TRAPPC9: variants seen among roughly 807,000 people sequenced by gnomAD.
The protein encoded by TRAPPC9 is trafficking protein particle complex subunit 9.
A neutral mutation model predicts 124.0 loss-of-function variants in TRAPPC9; 83 were observed. The ratio of observed to expected loss-of-function variants is 0.67; its 90% confidence interval spans 0.56 to 0.80. The LOEUF is 0.80. Ranked by LOEUF, TRAPPC9 falls within the 30% of genes least tolerant of loss-of-function variation. TRAPPC9 has a pLI of 0.00. For missense variants in TRAPPC9, 1,302 were observed against 1,508.3 expected (o/e 0.86, Z 2.27); for synonymous variants, 638 against 617.5 (o/e 1.03, Z -0.49).
intron 16 of TRAPPC9, among the ~76,000 whole-genome samples, chr8:140,246,448 G>C (rs1275681295): frequency 6.6e-6 from 1 of 152,194 alleles, no homozygotes; most frequent in Non-Finnish European, 1.5e-5. Flanking sequence ...TTTTCAAATA[G>C]TTCATGATTT....
chr8:140,414,376 A>G (rs1324901474), intron 5 of TRAPPC9, among the ~76,000 whole-genome samples: 1 of 152,148 alleles, frequency 6.6e-6, no homozygotes, highest in Non-Finnish European at 1.5e-5. Context: ...TCTACAAAAA[A>G]TCTAAAACTT....
intron 21 of TRAPPC9, among the ~76,000 whole-genome samples, chr8:139,827,514 G>A (rs1267097338): frequency 6.6e-6 from 1 of 152,240 alleles, no homozygotes; most frequent in Non-Finnish European, 1.5e-5. Flanking sequence ...CACAGAGACC[G>A]CGTTGGCTTC....
At chr8:140,101,640 T>A (rs1383245324) in intron 17 of TRAPPC9, among the ~76,000 whole-genome samples, 1 of 148,656 alleles carries the variant, frequency 6.7e-6, no homozygotes, top group Non-Finnish European at 1.5e-5. Flanking sequence ...CCTCCTGGGT[T>A]CAAGCGATTC....
In TRAPPC9 at chr8:140,439,045, A is replaced by G. The variant is rs780240154; in HGVS notation, c.730+7T>C. ...CATATCAGATCATCTTCATCAGCTC[A>G]TCTTACCTCCAAGCCACAGAAAGTC... On this transcript the variant is annotated splice_region_variant and intron_variant, in intron 3 of 22. Coordinates refer to ENST00000438773, the MANE Select transcript of TRAPPC9 (RefSeq NM_001160372.4). 4 of 1,614,000 alleles carry G rather than the reference A, an allele frequency of 2.5e-6. No homozygotes were observed. The highest frequency in any genetic ancestry group is 1.1e-5 in the South Asian group (1 of 91,082).
intron 16 of TRAPPC9, chr8:140,238,548 G>A (rs190527368): frequency 2.0e-4 from 30 of 152,326 alleles, no homozygotes; most frequent in African/African-American, 6.0e-4. Context: ...TAAATATAAC[G>A]CTGGGCAGGC....
chr8:140,453,983 G>T (rs564492006), intron 1 of TRAPPC9, among the ~76,000 whole-genome samples: 1 of 152,280 alleles, frequency 6.6e-6, no homozygotes, highest in East Asian at 1.9e-4. Flanking sequence ...GTAACAAAGG[G>T]CCTTATTTTA....
intron 19 of TRAPPC9, among the ~76,000 whole-genome samples, chr8:139,980,219 C>T (rs1038924963): frequency 6.6e-6 from 1 of 152,192 alleles, no homozygotes; most frequent in Non-Finnish European, 1.5e-5. Flanking sequence ...TGTCCTCTGC[C>T]TAAACGGGCC....
At position 139,903,952 on chromosome 8, in the gene TRAPPC9, G is replaced by C. The variant is rs367657537; in HGVS notation, c.2964+6195C>G. ...AGCTACCCAGGAGGCGGAGGTTGCA[G>C]TGAACCTCTCTGCAACCATTGCACT... On this transcript the variant is annotated intron_variant, in intron 20 of 22. Transcript: ENST00000438773. Among the ~76,000 whole-genome samples, 16 of 152,320 alleles carry C rather than the reference G, an allele frequency of 1.1e-4. 1 individual carries two copies. The highest frequency in any genetic ancestry group is 7.8e-4 in the Admixed American group (12 of 15,308).
At chr8:139,935,674 T>C (rs1198269274) in intron 19 of TRAPPC9, among the ~76,000 whole-genome samples, 5 of 147,300 alleles carry the variant, frequency 3.4e-5, no homozygotes, top group Non-Finnish European at 7.5e-5. Context: ...CTTTGCTTTT[T>C]TTTTTTTTTT....
rs1216410055 is a variant in TRAPPC9, at chr8:139,960,926, TA to T, written c.2810+27799del. The stretch of plus-strand genomic sequence containing the variant: ...AATGGTTGTTCGGTGGCTTAACCCC[TA>T]ACGTTTTAGGATTTCCCTTCAGGGT... On this transcript the variant is annotated intron_variant, in intron 19 of 22. Transcript: ENST00000438773. 3.2e-5 allele frequency among the ~76,000 whole-genome samples: 4 copies of T among 125,186 alleles called. 1 individual carries two copies. The highest frequency in any genetic ancestry group is 7.6e-5 in the Non-Finnish European group (4 of 52,394). The allele number at this position is 125,186 out of a possible 152,430, so 82.1% of individuals were successfully genotyped here.
At chr8:139,958,402 A>G (rs1323619279) in intron 19 of TRAPPC9, among the ~76,000 whole-genome samples, 2 of 152,124 alleles carry the variant, frequency 1.3e-5, no homozygotes, top group African/African-American at 4.8e-5. Context: ...AGATGTCTCC[A>G]TGAGACTCAC....
At chr8:140,442,210 CAT>C (rs1273919462) in intron 2 of TRAPPC9, among the ~76,000 whole-genome samples, 2 of 152,126 alleles carry the variant, frequency 1.3e-5, no homozygotes, top group Non-Finnish European at 2.9e-5. Flanking sequence ...GTTTTGAAAA[CAT>C]AGGACTTTTA....
chr8:139,949,144 GA>G (rs562971188), intron 19 of TRAPPC9, among the ~76,000 whole-genome samples: 137 of 151,564 alleles, frequency 9.0e-4, no homozygotes, highest in Middle Eastern at 3.4e-3. Context: ...GATCACAGGA[GA>G]AAAAAAACCA....
intron 5 of TRAPPC9, among the ~76,000 whole-genome samples, chr8:140,413,093 A>G (rs2069766433): frequency 6.6e-6 from 1 of 152,172 alleles, no homozygotes; most frequent in African/African-American, 2.4e-5. Flanking sequence ...CAATAATTAA[A>G]AAGTCACCAC....
At chr8:140,086,738 T>A (rs1369870430) in intron 17 of TRAPPC9, among the ~76,000 whole-genome samples, 1 of 152,118 alleles carries the variant, frequency 6.6e-6, no homozygotes, top group Non-Finnish European at 1.5e-5. Flanking sequence ...AAGACCAGCC[T>A]GACCAAGATG....
At chr8:139,747,003 G>A (rs1418966459) in intron 21 of TRAPPC9, among the ~76,000 whole-genome samples, 2 of 152,142 alleles carry the variant, frequency 1.3e-5, no homozygotes, top group South Asian at 2.1e-4. Context: ...AAAAAGAAAC[G>A]GGGAAAAAAA....
chr8:140,188,923 A>G (rs1238389420), intron 17 of TRAPPC9, among the ~76,000 whole-genome samples: 2 of 152,320 alleles, frequency 1.3e-5, no homozygotes, highest in African/African-American at 2.4e-5. Context: ...GCCAACAGGC[A>G]GCCCTGTAAC....
chr8:140,088,761 T>C (rs1481086693), intron 17 of TRAPPC9, among the ~76,000 whole-genome samples: 1 of 152,258 alleles, frequency 6.6e-6, no homozygotes, highest in Admixed American at 6.5e-5. Flanking sequence ...AATAAACATA[T>C]CAGAAGCTCA....
chr8:140,302,748 G>A lies in TRAPPC9; in HGVS notation c.1623-2134C>T, dbSNP rs186781915. 2.0e-5 allele frequency: 3 copies of A among 152,326 alleles called. No individual in the cohort carries two copies. In the East Asian group the frequency reaches 5.8e-4, roughly 29 times the overall value. 9.4% of individuals were successfully genotyped at this position (152,326 alleles called of 1,614,324 possible). ...CAGGGAAACATATCCAAGAAGAGAT[G>A]GGTGGGGACTACGACTGGCCTCAAG... is the stretch of plus-strand genomic sequence containing the variant. On this transcript the variant is annotated intron_variant, in intron 10 of 22. Coordinates refer to ENST00000438773, the MANE Select transcript of TRAPPC9 (RefSeq NM_001160372.4).
Sources: allele counts gnomAD v4.1 joint callset (sites outside exome capture counted in the v4.1 genomes callset), GRCh38; gene constraint gnomAD v4.1.1; transcripts MANE v1.5; gene names NCBI Gene and HGNC (gene_info 2026-07-23, HGNC 2026-07-21).